The following CTNNA2 variants were observed in gnomAD, a reference collection of about 807,000 sequenced individuals.
CTNNA2 encodes the protein catenin alpha 2, also known as catenin alpha-2.
CTNNA2 carries 42 observed loss-of-function variants against 101.0 expected under a neutral mutation model. The observed-to-expected ratio is 0.42, with a 90% confidence interval of 0.32 to 0.54. CTNNA2 has a LOEUF of 0.54. Among genes scored for constraint, CTNNA2 ranks in the 20% least tolerant of loss-of-function variants. CTNNA2 has a pLI of 0.14. For missense variants in CTNNA2, 871 were observed against 1,223.1 expected, an observed-to-expected ratio of 0.71 and a Z score of 4.29; for synonymous variants, 450 against 456.4, an observed-to-expected ratio of 0.99 and a Z score of 0.18.
At chr2:79,462,119 A>C (rs1670885336) in intron 4 of CTNNA2, among the ~76,000 whole-genome samples, 1 of 152,214 alleles carries the variant, frequency 6.6e-6, no homozygotes, top group South Asian at 2.1e-4. Context: ...ACTTTTCTGT[A>C]ATGAAAATAA....
At chr2:80,067,306 A>C (rs941033708) in intron 7 of CTNNA2, among the ~76,000 whole-genome samples, 1 of 152,194 alleles carries the variant, frequency 6.6e-6, no homozygotes, top group South Asian at 2.1e-4. Flanking sequence ...CAATGTATAC[A>C]TATTTCAAAA....
chr2:79,294,906 G>A (rs958724180), intron 2 of CTNNA2, among the ~76,000 whole-genome samples: 2 of 151,994 alleles, frequency 1.3e-5, no homozygotes, highest in Non-Finnish European at 2.9e-5. Flanking sequence ...CTTATCTGCT[G>A]ATGGATATAT....
chr2:79,992,661 C>T (rs370906985), intron 7 of CTNNA2, among the ~76,000 whole-genome samples: 15 of 152,182 alleles, frequency 9.9e-5, no homozygotes, highest in African/African-American at 2.6e-4. Flanking sequence ...TAGTAGTTGT[C>T]GAAATTTTGC....
intron 6 of CTNNA2, among the ~76,000 whole-genome samples, chr2:79,883,993 G>A (rs1331443277): frequency 6.6e-6 from 1 of 152,132 alleles, no homozygotes; most frequent in Non-Finnish European, 1.5e-5. Flanking sequence ...ATAACATTTA[G>A]TACTCAGGAC....
chr2:80,504,972 G>A (rs1338905793), intron 9 of CTNNA2, among the ~76,000 whole-genome samples: 1 of 152,122 alleles, frequency 6.6e-6, no homozygotes, highest in Admixed American at 6.5e-5. Context: ...AGGTGCTGGC[G>A]CTCCTAGATG....
intron 8 of CTNNA2, among the ~76,000 whole-genome samples, chr2:80,417,421 CT>C (rs1383094659): frequency 6.6e-6 from 1 of 151,666 alleles, no homozygotes; most frequent in African/African-American, 2.4e-5. Flanking sequence ...CATGGACCCC[CT>C]GGTAGCCCTG....
At chr2:80,313,202 C>T (rs922926135) in intron 7 of CTNNA2, among the ~76,000 whole-genome samples, 2 of 152,204 alleles carry the variant, frequency 1.3e-5, no homozygotes, top group Non-Finnish European at 2.9e-5. Context: ...AGCAACAGGT[C>T]TTCAGTGGTA....
At chr2:79,337,064 A>G (rs868521366) in intron 3 of CTNNA2, among the ~76,000 whole-genome samples, 6 of 152,162 alleles carry the variant, frequency 3.9e-5, no homozygotes, top group African/African-American at 1.4e-4. Flanking sequence ...GTTAATCATA[A>G]TTTATCTTAC....
chr2:79,729,922 A>ATT (rs1687097535), intron 2 of CTNNA2, among the ~76,000 whole-genome samples: 1 of 152,130 alleles, frequency 6.6e-6, no homozygotes. Flanking sequence ...TCAGTGTATG[A>ATT]TGTAATTGTT....
At chr2:79,435,980 A>G (rs576485242) in intron 4 of CTNNA2, among the ~76,000 whole-genome samples, 4 of 152,300 alleles carry the variant, frequency 2.6e-5, no homozygotes, top group Non-Finnish European at 5.9e-5. Flanking sequence ...ATAAGTAGTT[A>G]CCTATCTCTT....
intron 7 of CTNNA2, among the ~76,000 whole-genome samples, chr2:79,981,042 G>T (rs1691228787): frequency 6.6e-6 from 1 of 152,006 alleles, no homozygotes; most frequent in African/African-American, 2.4e-5. Flanking sequence ...TCATTTATCA[G>T]CCACGTATGG....
At chr2:80,004,201 T>C (rs1693169285) in intron 7 of CTNNA2, among the ~76,000 whole-genome samples, 1 of 152,178 alleles carries the variant, frequency 6.6e-6, no homozygotes, top group South Asian at 2.1e-4. Context: ...TTATATTTAT[T>C]TGGGCGCAAT....
At chr2:79,356,691 G>A (rs1421069702) in intron 3 of CTNNA2, among the ~76,000 whole-genome samples, 1 of 152,168 alleles carries the variant, frequency 6.6e-6, no homozygotes, top group African/African-American at 2.4e-5. Context: ...ACAGCCTCCA[G>A]TCTAGTTGCC....
At chr2:79,626,064 A>G (rs903453445) in intron 1 of CTNNA2, among the ~76,000 whole-genome samples, 1 of 152,116 alleles carries the variant, frequency 6.6e-6, no homozygotes, top group African/African-American at 2.4e-5. Flanking sequence ...TTTCTACTTC[A>G]TCTATTTTGA....
intron 7 of CTNNA2, among the ~76,000 whole-genome samples, chr2:80,080,885 C>A (rs1699089091): frequency 6.9e-6 from 1 of 144,676 alleles, no homozygotes; most frequent in Admixed American, 7.3e-5. Context: ...CAGGACACAG[C>A]AGTCTAGTTG....
intron 2 of CTNNA2, among the ~76,000 whole-genome samples, chr2:79,221,297 A>T (rs1674342441): frequency 6.6e-6 from 1 of 152,092 alleles, no homozygotes; most frequent in Admixed American, 6.5e-5. Context: ...ACAGACCTGT[A>T]CCTCCATGCC....
At chr2:80,232,393 A>T (rs1211131423) in intron 7 of CTNNA2, among the ~76,000 whole-genome samples, 3 of 75,834 alleles carry the variant, frequency 4.0e-5, no homozygotes, top group Non-Finnish European at 8.5e-5. Context: ...TTTTTTGTTA[A>T]CACTAGTTTT....
chr2:79,742,995 G>GT (rs1268805239), intron 2 of CTNNA2, among the ~76,000 whole-genome samples: 2 of 151,958 alleles, frequency 1.3e-5, no homozygotes, highest in Non-Finnish European at 2.9e-5. Context: ...GATATTAATT[G>GT]TGACTTTGAG....
intron 7 of CTNNA2, among the ~76,000 whole-genome samples, chr2:80,224,999 C>T (rs1708793491): frequency 6.6e-6 from 1 of 152,172 alleles, no homozygotes; most frequent in Non-Finnish European, 1.5e-5. Context: ...TCCAAATCCC[C>T]ACACTGCACC....
Sources: allele counts gnomAD v4.1 joint callset (sites outside exome capture counted in the v4.1 genomes callset), GRCh38; gene constraint gnomAD v4.1.1; transcripts MANE v1.5; gene names NCBI Gene and HGNC (gene_info 2026-07-23, HGNC 2026-07-21).